SVEP1: variants seen among roughly 807,000 people sequenced by gnomAD.
SVEP1 encodes sushi, von Willebrand factor type A, EGF and pentraxin domain containing 1, also known as sushi, von Willebrand factor type A, EGF and pentraxin domain-containing protein 1.
SVEP1 carries 164 observed loss-of-function variants against 367.3 expected under a neutral mutation model. The observed-to-expected ratio is 0.45, with a 90% CI of 0.39 to 0.51. The LOEUF is 0.51. SVEP1 is among the 20% of genes least tolerant of loss of function. SVEP1 has a pLI of 0.00. For synonymous variants in SVEP1, 1,666 were observed against 1,611.6 expected (o/e 1.03, Z -0.81); for missense variants, 4,117 against 4,425.3 (o/e 0.93, Z 1.98).
chr9:110,534,136 C>A (rs1338614263), intron 3 of SVEP1, among the ~76,000 whole-genome samples: 1 of 152,076 alleles, frequency 6.6e-6, no homozygotes, highest in Non-Finnish European at 1.5e-5. Flanking sequence ...GGTACTGAGC[C>A]TAGTACCCAA....
At chr9:110,460,740 G>GC (rs1389658569) in intron 18 of SVEP1, among the ~76,000 whole-genome samples, 2 of 151,386 alleles carry the variant, frequency 1.3e-5, no homozygotes, top group East Asian at 3.9e-4. Flanking sequence ...GCAACGGAGT[G>GC]AGACTCCGTC....
chr9:110,554,811 T>C (rs968153735), intron 1 of SVEP1, among the ~76,000 whole-genome samples: 5 of 152,010 alleles, frequency 3.3e-5, no homozygotes, highest in African/African-American at 1.2e-4. Context: ...GTTATTGACA[T>C]AAATAATACT....
chr9:110,475,213 A>G (rs1177218550), intron 14 of SVEP1, among the ~76,000 whole-genome samples: 1 of 152,206 alleles, frequency 6.6e-6, no homozygotes, highest in African/African-American at 2.4e-5. Context: ...TTAATGCTAA[A>G]TCACCAAAAA....
intron 30 of SVEP1, among the ~76,000 whole-genome samples, chr9:110,433,717 C>T (rs1477742453): frequency 2.0e-5 from 3 of 151,926 alleles, no homozygotes; most frequent in Non-Finnish European, 4.4e-5. Context: ...GCGATCCGCC[C>T]GTCTTGGCCT....
chr9:110,398,897 A>G (rs979583831), intron 40 of SVEP1, among the ~76,000 whole-genome samples: 4 of 152,190 alleles, frequency 2.6e-5, no homozygotes, highest in African/African-American at 7.2e-5. Flanking sequence ...ACTGTTGGTG[A>G]GACTGTAAAC....
chr9:110,543,931 C>A (rs1369198666), intron 3 of SVEP1, among the ~76,000 whole-genome samples: 1 of 152,072 alleles, frequency 6.6e-6, no homozygotes, highest in Non-Finnish European at 1.5e-5. Flanking sequence ...CCCAACCCCC[C>A]ACCTTTTTTC....
chr9:110,513,789 G>T lies in SVEP1; in HGVS notation c.1123+159C>A, dbSNP rs1333341029. On this transcript the variant is annotated intron_variant, in intron 4 of 47. Transcript: ENST00000374469. ...AGGATAGAGATATGTTCCGTGATAAGAATGTTATAAAAGCAAATCATCCCA... is the reference window on the plus strand; with the variant it reads ...AGGATAGAGATATGTTCCGTGATAATAATGTTATAAAAGCAAATCATCCCA... Among the ~76,000 whole-genome samples the T allele has an allele frequency of 2.6e-5, 4 of 152,080 alleles. No individual in the cohort carries two copies. In the East Asian group the frequency reaches 7.7e-4, roughly 29 times the overall value.
At position 110,549,909 on chromosome 9, in the gene SVEP1, A is replaced by G; in HGVS notation, c.727T>C (p.Cys243Arg). 6.2e-7 allele frequency: 1 copy of G among 1,613,998 alleles called. No homozygotes were observed. Reference protein sequence around the residue: ...DMASTPKEEHCYLLHSFEEFE... With the variant: ...DMASTPKEEHRYLLHSFEEFE... Reference sequence around the variant, plus strand: ...TCTTCAAAACTGTGTAGCAGGTAACAGTGCTCCTCCTTTGGGGTGGAAGCC... The same window carrying G: ...TCTTCAAAACTGTGTAGCAGGTAACGGTGCTCCTCCTTTGGGGTGGAAGCC... Residue 243 changes from cysteine to arginine, a missense_variant, in exon 2 of 48, where the codon TGT (cysteine) becomes CGT (arginine). By Grantham distance (180) the Cys-to-Arg change is radical. Coordinates refer to ENST00000374469, the MANE Select transcript of SVEP1 (RefSeq NM_153366.4).
chr9:110,534,636 T>C (rs1171282395), intron 3 of SVEP1, among the ~76,000 whole-genome samples: 4 of 152,156 alleles, frequency 2.6e-5, no homozygotes, highest in Non-Finnish European at 4.4e-5. Flanking sequence ...AATTTACATT[T>C]CCACCCACAG....
At chr9:110,368,971 A>G (rs1036998584) in intron 47 of SVEP1, among the ~76,000 whole-genome samples, 2 of 150,456 alleles carry the variant, frequency 1.3e-5, no homozygotes, top group Admixed American at 1.3e-4. Flanking sequence ...TCAGGAAATG[A>G]AAAATAAAAG....
intron 40 of SVEP1, among the ~76,000 whole-genome samples, 165 bp downstream of exon 40, chr9:110,400,689 A>T (rs1307023077): frequency 6.6e-6 from 1 of 152,168 alleles, no homozygotes; most frequent in Non-Finnish European, 1.5e-5. Flanking sequence ...TAAAACTCTA[A>T]GTTGCCTTAA....
chr9:110,515,450 G>A (rs977386431), intron 3 of SVEP1, among the ~76,000 whole-genome samples: 3 of 151,874 alleles, frequency 2.0e-5, no homozygotes, highest in East Asian at 1.9e-4. Context: ...ACAGGCACCC[G>A]CCACCACGCC....
rs764786559 is a variant in SVEP1, at chr9:110,436,370, T to C, written c.4764+10A>G. The C allele has an allele frequency of 5.6e-6, 9 of 1,613,860 alleles. No homozygotes were observed. The South Asian group carries it at 8.8e-5, about 16-fold the overall frequency. ...TCTCATTACTGTCATACACTGAAAA[T>C]GGAATTGACCTGCTGTGGAGACAGG... On this transcript the variant is annotated intron_variant, in intron 28 of 47. Coordinates refer to ENST00000374469, the MANE Select transcript of SVEP1 (RefSeq NM_153366.4).
intron 3 of SVEP1, among the ~76,000 whole-genome samples, chr9:110,533,682 G>C (rs1830048739): frequency 6.6e-6 from 1 of 152,154 alleles, no homozygotes; most frequent in Non-Finnish European, 1.5e-5. Context: ...TTTTCAACGA[G>C]TTTGGAATGA....
intron 36 of SVEP1, among the ~76,000 whole-genome samples, chr9:110,416,968 C>G (rs1828131713): frequency 6.6e-6 from 1 of 152,010 alleles, no homozygotes; most frequent in Admixed American, 6.5e-5. Flanking sequence ...CCAGACATTG[C>G]CAGATGTCCT....
At chr9:110,535,865 C>T (rs1317704465) in intron 3 of SVEP1, among the ~76,000 whole-genome samples, 2 of 152,050 alleles carry the variant, frequency 1.3e-5, no homozygotes, top group Admixed American at 6.6e-5. Flanking sequence ...AGTTTTTGGA[C>T]AGCGACTATA....
chr9:110,471,736 T>A lies in SVEP1; in HGVS notation c.2765-139A>T, dbSNP rs544965923. 5.9e-6 allele frequency: 4 copies of A among 676,464 alleles called. No homozygotes were observed. In the South Asian group the frequency reaches 8.6e-5, roughly 15 times the overall value. The allele number at this position is 676,464 out of a possible 1,614,324, so 41.9% of individuals were successfully genotyped here. ...GTCTATAGAAAAAAAATAAAAATCT[T>A]TCAGGAAAAATTAATTCAAAATAAA... On this transcript the variant is annotated intron_variant, in intron 15 of 47. Transcript: ENST00000374469.
intron 8 of SVEP1, among the ~76,000 whole-genome samples, chr9:110,495,735 A>G (rs952810234): frequency 2.0e-5 from 3 of 152,160 alleles, no homozygotes; most frequent in Non-Finnish European, 2.9e-5. Flanking sequence ...TACATATAAG[A>G]GGAAGTAAAA....
intron 6 of SVEP1, 53 bp from the exon 7 acceptor site, chr9:110,499,291 G>T: frequency 1.3e-6 from 2 of 1,519,142 alleles, no homozygotes; most frequent in Non-Finnish European, 1.8e-6. Context: ...AATTGGAAAT[G>T]CCATGGATTC....
Sources: gnomAD v4.1 joint callset for allele counts (sites outside exome capture counted in the v4.1 genomes callset) on GRCh38, gnomAD v4.1.1 for gene constraint, MANE v1.5 for transcripts, NCBI Gene and HGNC (gene_info 2026-07-23, HGNC 2026-07-21) for gene names.